The following LRP5 variants were observed in gnomAD, a reference collection of about 807,000 sequenced individuals.
LRP5 encodes low-density lipoprotein receptor-related protein 5.
LRP5 carries 62 observed loss-of-function variants against 154.1 expected under a neutral mutation model. The observed-to-expected ratio is 0.40, with a 90% CI of 0.33 to 0.50. LRP5 has a LOEUF of 0.50. Among genes scored for constraint, LRP5 ranks in the 20% least tolerant of loss-of-function variants. The pLI is 0.55. For synonymous variants in LRP5, 966 were observed against 1,011.5 expected (o/e 0.96, Z 0.85); for missense variants, 1,915 against 2,336.7 (o/e 0.82, Z 3.72).
intron 3 of LRP5, among the ~76,000 whole-genome samples, chr11:68,360,571 T>C (rs2098627002): frequency 6.6e-6 from 1 of 152,204 alleles, no homozygotes; most frequent in African/African-American, 2.4e-5. Flanking sequence ...CACAGACCTG[T>C]GCAGGCCCCT....
chr11:68,312,777 G>A lies in LRP5; in HGVS notation c.63G>A (p.Ala21=), dbSNP rs1401531348. Reference sequence around the variant, plus strand: ...TGCTGCTGCTGCTGCTGCTGCTGGCGCTGTGCGGCTGCCCGGCCCCCGCCG... The same window carrying A: ...TGCTGCTGCTGCTGCTGCTGCTGGCACTGTGCGGCTGCCCGGCCCCCGCCG... ...PLLLLLLLLL[A]LCGCPAPAAA... The change falls in exon 1 of 23, where the codon GCG becomes GCA. Residue 21 remains alanine, a synonymous_variant. Transcript: ENST00000294304. 3.7e-6 allele frequency: 4 copies of A among 1,088,048 alleles called. No individual in the cohort carries two copies. The highest frequency in any genetic ancestry group is 4.2e-5 in the Admixed American group (1 of 24,070). The allele number at this position is 1,088,048 out of a possible 1,614,324, so 67.4% of individuals were successfully genotyped here. A position where few individuals can be genotyped will look rare whatever the true frequency, so the allele number is the denominator to read the frequency against.
intron 16 of LRP5, among the ~76,000 whole-genome samples, chr11:68,427,613 G>A (rs1452197498): frequency 6.6e-6 from 1 of 151,574 alleles, no homozygotes; most frequent in African/African-American, 2.4e-5. Context: ...CTGGGAGGCG[G>A]AAGTTGCAGT....
At chr11:68,332,273 A>T (rs529908538) in intron 1 of LRP5, among the ~76,000 whole-genome samples, 1 of 152,370 alleles carries the variant, frequency 6.6e-6, no homozygotes, top group African/African-American at 2.4e-5. Flanking sequence ...TATGGTATTT[A>T]TTCATTATTG....
chr11:68,324,564 G>A (rs985280534), intron 1 of LRP5, among the ~76,000 whole-genome samples: 1 of 152,240 alleles, frequency 6.6e-6, no homozygotes, highest in Admixed American at 6.5e-5. Context: ...CACGATGGGA[G>A]GGAGGCACAA....
At chr11:68,321,643 A>G (rs918698881) in intron 1 of LRP5, among the ~76,000 whole-genome samples, 4 of 152,078 alleles carry the variant, frequency 2.6e-5, no homozygotes, top group Admixed American at 6.6e-5. Context: ...CTGCTGCCCA[A>G]CTCACTCCGG....
intron 9 of LRP5, among the ~76,000 whole-genome samples, chr11:68,407,562 T>A (rs1479992069): frequency 6.7e-6 from 1 of 149,332 alleles, no homozygotes; most frequent in Non-Finnish European, 1.5e-5. Flanking sequence ...GATTGGTGGC[T>A]GGGTGCGGTG....
At chr11:68,385,387 G>A (rs2098642429) in intron 5 of LRP5, among the ~76,000 whole-genome samples, 2 of 152,124 alleles carry the variant, frequency 1.3e-5, no homozygotes, top group South Asian at 2.1e-4. Flanking sequence ...CTGAAACTTC[G>A]TTGGAAGTGT....
chr11:68,401,392 G>A (rs976532457), intron 7 of LRP5, among the ~76,000 whole-genome samples: 2 of 152,158 alleles, frequency 1.3e-5, no homozygotes, highest in Admixed American at 1.3e-4. Context: ...CCATGTTCCC[G>A]CCCGCCTGCT....
At chr11:68,364,356 ATATGTGTGTGTG>A (rs1229470275) in intron 4 of LRP5, among the ~76,000 whole-genome samples, 1 of 127,500 alleles carries the variant, frequency 7.8e-6, no homozygotes, top group Non-Finnish European at 1.8e-5. Flanking sequence ...ATATACATAT[ATATGTGTGTGTG>A]TGTGTGTGTG....
chr11:68,380,114 T>C (rs924977888), intron 5 of LRP5, among the ~76,000 whole-genome samples: 2 of 152,132 alleles, frequency 1.3e-5, no homozygotes, highest in African/African-American at 4.8e-5. Context: ...GCCTGGGCAA[T>C]AAGAGTGAAG....
chr11:68,323,299 G>C (rs1328125925), intron 1 of LRP5, among the ~76,000 whole-genome samples: 2 of 151,934 alleles, frequency 1.3e-5, no homozygotes, highest in Non-Finnish European at 2.9e-5. Context: ...AGTGGAGATG[G>C]AGTTTCACCA....
chr11:68,441,068 T>C (rs1222086967), intron 21 of LRP5, among the ~76,000 whole-genome samples: 2 of 151,546 alleles, frequency 1.3e-5, no homozygotes, highest in Non-Finnish European at 2.9e-5. Context: ...GCACCTGGCC[T>C]TTTTCTTTTC....
At chr11:68,301,662 G>A in the LRP5 span, among the ~76,000 whole-genome samples, 14 of 142,886 alleles carry the variant, frequency 9.8e-5, no homozygotes, top group Non-Finnish European at 1.3e-4. Flanking sequence ...TCACTCTGTC[G>A]CCCAGGCTGG....
At position 68,413,978 on chromosome 11, in the gene LRP5, C is replaced by T. The variant is rs767740919; in HGVS notation, c.2793C>T (p.His931=). Residue 931 remains histidine, a synonymous_variant, in exon 12 of 23, where the codon CAC becomes CAT. Coordinates refer to ENST00000294304, the MANE Select transcript of LRP5 (RefSeq NM_002335.4). The surrounding 1 kb of genome is among the most constrained non-coding windows in gnomAD (Gnocchi z 5.1). ...PGGHRCGCAS[H]YTLDPSSRNC... ...GCCACCGCTGCGGCTGCGCCTCACA[C>T]TACACCCTGGACCCCAGCAGCCGCA... 17 of 1,606,042 alleles carry T rather than the reference C, an allele frequency of 1.1e-5. No homozygotes were observed. The East Asian group carries it at 3.3e-4, about 32-fold the overall frequency.
chr11:68,394,141 G>A (rs750679747), intron 7 of LRP5, among the ~76,000 whole-genome samples: 16 of 152,122 alleles, frequency 1.1e-4, no homozygotes, highest in Admixed American at 3.3e-4. Flanking sequence ...AAACAGGAGC[G>A]TTTTGTCCAC....
At position 68,365,657 on chromosome 11, in the gene LRP5, C is replaced by A; in HGVS notation, c.970C>A (p.Pro324Thr). The A allele has an allele frequency of 6.7e-7, 1 of 1,501,454 alleles. No homozygotes were observed. Among genetic ancestry groups the A allele is most frequent in the Non-Finnish European group, 9.0e-7 (1 of 1,108,894 alleles). 93.0% of individuals were successfully genotyped at this position (1,501,454 alleles called of 1,614,324 possible). Residue 324 changes from proline (P) to threonine (T), a missense_variant, in exon 5 of 23, where the codon CCC (proline) becomes ACC (threonine). Coordinates refer to ENST00000294304, the MANE Select transcript of LRP5 (RefSeq NM_002335.4). ...CGAGCCTTTCTACACATGCGCCTGC[C>A]CCACGGGTGTGCAGCTGCAGGACAA... ...PSEPFYTCAC[P>T]TGVQLQDNGR...
In LRP5 at chr11:68,365,661, C is replaced by T. The variant is rs760196023; in HGVS notation, c.974C>T (p.Thr325Met). The T allele has an allele frequency of 7.1e-6, 10 of 1,399,758 alleles. No individual in the cohort carries two copies. Among genetic ancestry groups the T allele is most frequent in the South Asian group, 3.4e-5 (3 of 88,504 alleles). The allele number at this position is 1,399,758 out of a possible 1,614,324, so 86.7% of individuals were successfully genotyped here. A position where few individuals can be genotyped will look rare whatever the true frequency, so the allele number is the denominator to read the frequency against. Residue 325 changes from threonine (T) to methionine (M), a missense_variant, in exon 5 of 23, where the codon ACG becomes ATG. Physicochemically the swap from Thr to Met is moderately conservative, Grantham distance 81. Transcript: ENST00000294304. The stretch of plus-strand genomic sequence containing the variant: ...CCTTTCTACACATGCGCCTGCCCCA[C>T]GGGTGTGCAGCTGCAGGACAACGGC... Reference protein sequence around the residue: ...SEPFYTCACPTGVQLQDNGRT... With the variant: ...SEPFYTCACPMGVQLQDNGRT...
At chr11:68,374,063 C>T (rs1213348752) in intron 5 of LRP5, among the ~76,000 whole-genome samples, 3 of 151,790 alleles carry the variant, frequency 2.0e-5, no homozygotes, top group African/African-American at 7.3e-5. Context: ...GGCCACAGCT[C>T]ACCCAGACAG....
chr11:68,440,098 G>A (rs1406430690), intron 21 of LRP5, 182 bp downstream of exon 21: 1 of 624,498 alleles, frequency 1.6e-6, no homozygotes, highest in East Asian at 2.8e-5. Flanking sequence ...GTTGATTGTG[G>A]ATAATCTGAA....
Sources: allele counts gnomAD v4.1 joint callset (sites outside exome capture counted in the v4.1 genomes callset), GRCh38; gene constraint gnomAD v4.1.1; non-coding constraint Gnocchi (gnomAD v3.1); transcripts MANE v1.5; gene names NCBI Gene and HGNC (gene_info 2026-07-23, HGNC 2026-07-21).